Variants in CAPN2 observed in about 807,000 individuals in gnomAD.
CAPN2 encodes calpain 2.
CAPN2 carries 92 observed loss-of-function variants against 102.3 expected under a neutral mutation model. That is an observed-to-expected ratio of 0.90 (90% CI 0.76 to 1.07). CAPN2 has a LOEUF of 1.07. Among genes scored for constraint, CAPN2 ranks in the 50% least tolerant of loss-of-function variants. The pLI, the probability that CAPN2 is intolerant of heterozygous loss-of-function variation, is 0.00. For synonymous variants in CAPN2, 340 were observed against 355.4 expected, an observed-to-expected ratio of 0.96 and a Z score of 0.49; for missense variants, 800 against 909.4, an observed-to-expected ratio of 0.88 and a Z score of 1.55.
rs563621709 is a variant in CAPN2 at position 223,762,510 on chromosome 1, A to C, written c.1632+259A>C. Among the ~76,000 whole-genome samples, 357 of 152,062 alleles carry C rather than the reference A, an allele frequency of 2.3e-3. 3 individuals are homozygous for C. Among genetic ancestry groups the C allele is most frequent in the African/African-American group, 8.3e-3 (346 of 41,484 alleles). On this transcript the variant is annotated intron_variant, in intron 14 of 20. Transcript: ENST00000295006. Reference sequence around the variant, plus strand: ...CTCCTTCCTTAGGATTCCTGGGCTCACCTTGTGACTGTTTTATTTTCTCTG... The same window carrying C: ...CTCCTTCCTTAGGATTCCTGGGCTCCCCTTGTGACTGTTTTATTTTCTCTG...
At chr1:223,701,701 A>G (rs1433095688) in exon 1 of CAPN2, 1 of 152,376 alleles carries the variant, frequency 6.6e-6, no homozygotes, top group Non-Finnish European at 1.5e-5. Context: ...AAAAAAGCAA[A>G]GAAAAAAATA....
upstream of CAPN2, among the ~76,000 whole-genome samples, chr1:223,710,190 C>T (rs1473983193): frequency 6.6e-6 from 1 of 152,054 alleles, no homozygotes; most frequent in Admixed American, 6.6e-5. Flanking sequence ...GCAGGAGAAT[C>T]GCTGGAACCC....
intron 2 of CAPN2, among the ~76,000 whole-genome samples, chr1:223,739,654 TTG>T (rs1660561670): frequency 6.6e-6 from 1 of 152,180 alleles, no homozygotes; most frequent in African/African-American, 2.4e-5. Context: ...GCCAAAATTT[TTG>T]TGTGACTGGA....
At chr1:223,720,523 C>T (rs982880822) in intron 2 of CAPN2, among the ~76,000 whole-genome samples, 4 of 151,900 alleles carry the variant, frequency 2.6e-5, no homozygotes, top group African/African-American at 4.8e-5. Flanking sequence ...TGCCATGTTG[C>T]GCAGGCTGGT....
upstream of CAPN2, chr1:223,712,372 C>T: frequency 1.1e-6 from 1 of 889,228 alleles, no homozygotes. Context: ...GAGCTGTCCG[C>T]AGATGGCAGC....
At chr1:223,712,142 C>T (rs1659745196), upstream of CAPN2, among the ~76,000 whole-genome samples, 1 of 152,178 alleles carries the variant, frequency 6.6e-6, no homozygotes. Flanking sequence ...GTATGCAGAG[C>T]CGTTAAGACG....
At position 223,752,083 on chromosome 1, in the gene CAPN2, G is replaced by A; in HGVS notation, c.974+12G>A. On this transcript the variant is annotated intron_variant, in intron 8 of 20. Transcript: ENST00000295006. ...GATGGAGAATTCTGGTAAGATTAGT[G>A]GAGGCTTCAGGGAAAGCTCTGTCTG... 1 of 1,581,736 alleles carries A rather than the reference G, an allele frequency of 6.3e-7. No individual in the cohort carries two copies. Among genetic ancestry groups the A allele is most frequent in the Non-Finnish European group, 8.7e-7 (1 of 1,151,174 alleles).
At chr1:223,723,924 C>T (rs966247123) in intron 2 of CAPN2, among the ~76,000 whole-genome samples, 21 of 139,720 alleles carry the variant, frequency 1.5e-4, no homozygotes, top group African/African-American at 5.1e-4. Context: ...TTCCAGGGCT[C>T]CAGCCTGCTC....
chr1:223,735,669 A>G (rs547046335), intron 2 of CAPN2, among the ~76,000 whole-genome samples: 2 of 152,294 alleles, frequency 1.3e-5, no homozygotes, highest in African/African-American at 4.8e-5. Context: ...CTGAAGGCTC[A>G]ACGTGGCTGT....
intron 20 of CAPN2, chr1:223,772,828 G>C (rs2102818571): frequency 6.6e-6 from 1 of 152,360 alleles, no homozygotes; most frequent in South Asian, 2.1e-4. Context: ...AAAAAGCAAA[G>C]CGTAAAATGT....
chr1:223,766,701 A>G (rs1272129406), intron 16 of CAPN2, among the ~76,000 whole-genome samples: 1 of 152,210 alleles, frequency 6.6e-6, no homozygotes, highest in Admixed American at 6.5e-5. Context: ...TCATGCCTGT[A>G]ATCCCAGCAC....
intron 1 of CAPN2, among the ~76,000 whole-genome samples, chr1:223,714,302 TATTCATTC>T (rs556561432): frequency 1.4e-4 from 22 of 152,280 alleles, no homozygotes; most frequent in South Asian, 2.1e-4. Context: ...CCTTTCACAG[TATTCATTC>T]ATTCATTCAT....
intron 13 of CAPN2, 101 bp from the exon 14 acceptor site, chr1:223,762,085 T>G: frequency 1.1e-6 from 1 of 917,006 alleles, no homozygotes; most frequent in Non-Finnish European, 1.7e-6. Context: ...CAGGGAGGGG[T>G]AGAGAAGGGG....
intron 2 of CAPN2, among the ~76,000 whole-genome samples, chr1:223,723,578 GTCCACAC>G (rs1660112416): frequency 6.6e-6 from 1 of 151,902 alleles, no homozygotes; most frequent in Non-Finnish European, 1.5e-5. Flanking sequence ...TGTGGCTGCC[GTCCACAC>G]TCCCAGCTGC....
intron 1 of CAPN2, among the ~76,000 whole-genome samples, chr1:223,715,460 A>G (rs1659853022): frequency 6.6e-6 from 1 of 152,124 alleles, no homozygotes; most frequent in Non-Finnish European, 1.5e-5. Flanking sequence ...GGGCAGTGAA[A>G]CAGGATCCCT....
rs756736356 is a variant in CAPN2, at chr1:223,747,162, C to T, written c.726C>T (p.Ile242=). ...LQKGSLLGCS[I]DITSAADSEA... ...AAGGCTCTCTCCTTGGCTGCTCCAT[C>T]GACGTAAGTCCAGGCTGCCTTCCCT... The change falls in exon 5 of 21, where the codon ATC becomes ATT. Residue 242 remains isoleucine, a synonymous_variant. Transcript: ENST00000295006. The T allele has an allele frequency of 1.1e-5, 17 of 1,611,698 alleles. No homozygotes were observed. The highest frequency in any genetic ancestry group is 1.6e-4 in the Middle Eastern group (1 of 6,062).
At chr1:223,742,572 T>A (rs1389443105) in intron 2 of CAPN2, among the ~76,000 whole-genome samples, 1 of 147,894 alleles carries the variant, frequency 6.8e-6, no homozygotes. Flanking sequence ...CCAGGCTGAG[T>A]GCAGTGGCAT....
chr1:223,729,443 T>C (rs1191495463), intron 2 of CAPN2, among the ~76,000 whole-genome samples: 5 of 152,050 alleles, frequency 3.3e-5, no homozygotes, highest in Non-Finnish European at 5.9e-5. Context: ...ATTTAAAGAG[T>C]TTATTCTGAG....
intron 15 of CAPN2, 49 bp from the exon 16 acceptor site, chr1:223,766,318 G>T: frequency 7.3e-7 from 1 of 1,369,244 alleles, no homozygotes; most frequent in South Asian, 1.2e-5. Context: ...AGTTCAGTTG[G>T]ACATCACCGC....
Sources: gnomAD v4.1 joint callset for allele counts (sites outside exome capture counted in the v4.1 genomes callset) on GRCh38, gnomAD v4.1.1 for gene constraint, MANE v1.5 for transcripts, NCBI Gene and HGNC (gene_info 2026-07-23, HGNC 2026-07-21) for gene names.